SYNE2: variants seen among roughly 807,000 people sequenced by gnomAD.
The protein encoded by SYNE2 is spectrin repeat containing nuclear envelope protein 2.
A neutral mutation model predicts 856.3 loss-of-function variants in SYNE2; 431 were observed. The observed-to-expected ratio is 0.50, with a 90% CI of 0.47 to 0.55. The LOEUF is 0.55. Among genes scored for constraint, SYNE2 ranks in the 20% least tolerant of loss-of-function variants. SYNE2 has a pLI of 0.00. For synonymous variants in SYNE2, 2,923 were observed against 2,872.3 expected (o/e 1.02, Z -0.56); for missense variants, 8,129 against 8,023.2 (o/e 1.01, Z -0.50).
chr14:64,104,542 T>C (rs1366921429), intron 64 of SYNE2, among the ~76,000 whole-genome samples: 1 of 149,966 alleles, frequency 6.7e-6, no homozygotes, highest in Non-Finnish European at 1.5e-5. Context: ...CTCTGCCTCC[T>C]GGGTTCAAGC....
chr14:64,155,324 A>G (rs2098277024), intron 85 of SYNE2, among the ~76,000 whole-genome samples: 1 of 152,194 alleles, frequency 6.6e-6, no homozygotes, highest in African/African-American at 2.4e-5. Context: ...ATGATCTTGG[A>G]AACATTATGG....
At chr14:63,782,228 C>T (rs1183026799) in intron 1 of SYNE2, among the ~76,000 whole-genome samples, 1 of 151,818 alleles carries the variant, frequency 6.6e-6, no homozygotes, top group Admixed American at 6.6e-5. Context: ...AATCCCAGCA[C>T]TTTAGGAGGC....
At chr14:63,869,659 ACTG>A (rs1896384196) in intron 1 of SYNE2, among the ~76,000 whole-genome samples, 1 of 150,160 alleles carries the variant, frequency 6.7e-6, no homozygotes, top group African/African-American at 2.5e-5. Flanking sequence ...AAAAAAAAAA[ACTG>A]CTCCCAATAA....
intron 2 of SYNE2, among the ~76,000 whole-genome samples, chr14:63,925,211 A>G (rs930065777): frequency 1.3e-5 from 2 of 152,076 alleles, no homozygotes; most frequent in Non-Finnish European, 1.5e-5. Flanking sequence ...AGTCCCAGCT[A>G]CTTGGGAAGC....
Position 64,134,860 on chromosome 14 carries a change from G to A in SYNE2, c.14646+660G>A, listed in dbSNP as rs535590694. On this transcript the variant is annotated intron_variant, in intron 78 of 115. Coordinates refer to ENST00000555002, the MANE Select transcript of SYNE2 (RefSeq NM_182914.3). ...AAATTAGCTGGGCATGGCGGCATGT[G>A]CCTGTAATCCCAGTTACTTGGGAGG... Among the ~76,000 whole-genome samples, 22 of 152,042 alleles carry A rather than the reference G, an allele frequency of 1.4e-4. No individual in the cohort carries two copies. In the East Asian group the frequency reaches 4.3e-3, roughly 29 times the overall value.
At chr14:64,206,079 T>G (rs762232121) in intron 100 of SYNE2, among the ~76,000 whole-genome samples, 40 of 152,168 alleles carry the variant, frequency 2.6e-4, no homozygotes, top group Non-Finnish European at 4.9e-4. Context: ...CACCCTTACC[T>G]TCTGTTTTTG....
At chr14:64,183,063 C>T (rs1390396285) in intron 96 of SYNE2, among the ~76,000 whole-genome samples, 19 of 151,276 alleles carry the variant, frequency 1.3e-4, no homozygotes, top group Admixed American at 7.9e-4. Flanking sequence ...GGCGGAGACG[C>T]TCCTCACTTC....
chr14:63,772,672 G>T (rs1886960900), intron 1 of SYNE2, among the ~76,000 whole-genome samples: 1 of 151,778 alleles, frequency 6.6e-6, no homozygotes, highest in South Asian at 2.1e-4. Flanking sequence ...GAACCCGGGA[G>T]ACAGAGGTTT....
intron 64 of SYNE2, 45 bp downstream of exon 64, chr14:64,102,087 A>T (rs374644280): frequency 1.5e-6 from 2 of 1,310,016 alleles, no homozygotes; most frequent in South Asian, 2.4e-5. Context: ...ACGAGGGCCC[A>T]GGGGGGAGCA....
chr14:64,149,362 A>G lies in SYNE2; in HGVS notation c.15639+3139A>G, dbSNP rs1227567886. 3.3e-5 allele frequency among the ~76,000 whole-genome samples: 5 copies of G among 152,330 alleles called. No individual in the cohort carries two copies. In the South Asian group the frequency reaches 1.0e-3, roughly 32 times the overall value. ...ATGAAAATGATTGATGTATACTTTA[A>G]TGACTTATCCCAGGGCAGAATGCTT... On this transcript the variant is annotated intron_variant, in intron 84 of 115. Transcript: ENST00000555002.
In SYNE2 at chr14:63,954,919, A is replaced by G. The variant is rs1400316276; in HGVS notation, c.787+4A>G. 1 of 1,607,904 alleles carries G rather than the reference A, an allele frequency of 6.2e-7. No homozygotes were observed. The highest frequency in any genetic ancestry group is 1.7e-5 in the Admixed American group (1 of 60,002). On this transcript the variant is annotated splice_donor_region_variant and intron_variant, in intron 8 of 115. Coordinates refer to ENST00000555002, the MANE Select transcript of SYNE2 (RefSeq NM_182914.3). ...CCCAGATTGCTGGAACCAGAAGGTAAAGAAGCTTCTTTGTTTTTAAAACAA... is the reference window on the plus strand; with the variant it reads ...CCCAGATTGCTGGAACCAGAAGGTAGAGAAGCTTCTTTGTTTTTAAAACAA...
At chr14:64,139,556 C>T (rs933582926) in intron 79 of SYNE2, among the ~76,000 whole-genome samples, 2 of 151,974 alleles carry the variant, frequency 1.3e-5, no homozygotes, top group Non-Finnish European at 2.9e-5. Context: ...GGACTACAGG[C>T]GCCTGCCACC....
intron 78 of SYNE2, among the ~76,000 whole-genome samples, chr14:64,137,239 G>A (rs1300926947): frequency 1.4e-4 from 21 of 152,088 alleles, no homozygotes; most frequent in African/African-American, 3.9e-4. Context: ...TCGCTCTGTC[G>A]CTCAGGCTGG....
At chr14:64,180,962 A>G (rs1389161379) in intron 96 of SYNE2, among the ~76,000 whole-genome samples, 1 of 152,144 alleles carries the variant, frequency 6.6e-6, no homozygotes, top group African/African-American at 2.4e-5. Context: ...GTCTTTGCAT[A>G]TTTATGTTTA....
chr14:63,781,507 CG>C (rs1887309329), intron 1 of SYNE2, among the ~76,000 whole-genome samples: 1 of 149,220 alleles, frequency 6.7e-6, no homozygotes, highest in Admixed American at 6.7e-5. Context: ...TTCTTGGAGA[CG>C]GAGTCTCGCT....
intron 1 of SYNE2, among the ~76,000 whole-genome samples, chr14:63,881,810 C>T (rs946431656): frequency 6.6e-6 from 1 of 152,076 alleles, no homozygotes; most frequent in Non-Finnish European, 1.5e-5. Context: ...TTGCAGAAAC[C>T]GTTAGAACAA....
At chr14:63,968,481 A>G (rs903082203) in intron 11 of SYNE2, among the ~76,000 whole-genome samples, 5 of 152,180 alleles carry the variant, frequency 3.3e-5, no homozygotes, top group African/African-American at 1.2e-4. Context: ...ATATCAGTAG[A>G]TGCTTGAAAG....
rs899814845 is a variant in SYNE2, at chr14:64,100,563, T to G, written c.12382-1369T>G. Among the ~76,000 whole-genome samples, 27 of 130,636 alleles carry G rather than the reference T, an allele frequency of 2.1e-4. No individual in the cohort carries two copies. The East Asian group carries it at 4.7e-3, about 23-fold the overall frequency. The allele number at this position is 130,636 out of a possible 152,430, so 85.7% of individuals were successfully genotyped here. On this transcript the variant is annotated intron_variant, in intron 63 of 115. Transcript: ENST00000555002. ...ATATATATATATATATATATATATA[T>G]ATATATATTTATGACATGTATGATG...
At chr14:63,914,064 T>C (rs2095507190) in intron 2 of SYNE2, among the ~76,000 whole-genome samples, 1 of 152,188 alleles carries the variant, frequency 6.6e-6, no homozygotes, top group Non-Finnish European at 1.5e-5. Flanking sequence ...ATTCCTTTAA[T>C]TCTTTCCATT....
Sources: allele counts gnomAD v4.1 joint callset (sites outside exome capture counted in the v4.1 genomes callset), GRCh38; gene constraint gnomAD v4.1.1; transcripts MANE v1.5; gene names NCBI Gene and HGNC (gene_info 2026-07-23, HGNC 2026-07-21).